The following TRAPPC9 variants were observed in gnomAD, a reference collection of about 807,000 sequenced individuals.
The protein encoded by TRAPPC9 is trafficking protein particle complex subunit 9.
A neutral mutation model predicts 124.0 loss-of-function variants in TRAPPC9; 83 were observed. The ratio of observed to expected loss-of-function variants is 0.67; its 90% confidence interval spans 0.56 to 0.80. TRAPPC9 has a LOEUF of 0.80. TRAPPC9 is among the 30% of genes least tolerant of loss of function. The pLI, the probability that TRAPPC9 is intolerant of heterozygous loss-of-function variation, is 0.00. For missense variants in TRAPPC9, 1,302 were observed against 1,508.3 expected, an observed-to-expected ratio of 0.86 and a Z score of 2.27; for synonymous variants, 638 against 617.5, an observed-to-expected ratio of 1.03 and a Z score of -0.49.
intron 18 of TRAPPC9, among the ~76,000 whole-genome samples, chr8:140,005,585 T>C (rs1381373): frequency 0.64 from 97,088 of 151,210 alleles, 31,692 homozygotes; most frequent in African/African-American, 0.78. Context: ...GCACGGCTTA[T>C]TGGGGGAAAC....
intron 17 of TRAPPC9, among the ~76,000 whole-genome samples, chr8:140,159,187 T>C (rs2061704238): frequency 6.6e-6 from 1 of 152,210 alleles, no homozygotes. Flanking sequence ...TTTCTTTTGT[T>C]CTTAATACCT....
At chr8:140,102,899 C>G (rs7828356) in intron 17 of TRAPPC9, among the ~76,000 whole-genome samples, 106,021 of 152,160 alleles carry the variant, frequency 0.7, 37,426 homozygotes, top group East Asian at 0.87. Flanking sequence ...CTCAACCCCC[C>G]ACATGCCTGT....
chr8:140,107,230 G>C (rs953285590), intron 17 of TRAPPC9, among the ~76,000 whole-genome samples: 2 of 152,166 alleles, frequency 1.3e-5, no homozygotes. Flanking sequence ...CCCCTCCTCT[G>C]AAGTCTCAGA....
rs541813453 is a variant in TRAPPC9, at chr8:140,307,393, T to A, written c.1622+3855A>T. ...GTGCCATAAATTATTTTTGCCTAAG[T>A]TAGCCTGGTTTCTATCAGCTGCTAT... On this transcript the variant is annotated intron_variant, in intron 10 of 22. Transcript: ENST00000438773. 3.3e-5 allele frequency among the ~76,000 whole-genome samples: 5 copies of A among 152,314 alleles called. No individual in the cohort carries two copies. The Middle Eastern group carries it at 0.01, about 311-fold the overall frequency.
At chr8:140,192,435 G>A (rs1416050378) in intron 17 of TRAPPC9, among the ~76,000 whole-genome samples, 3 of 152,196 alleles carry the variant, frequency 2.0e-5, no homozygotes, top group South Asian at 4.1e-4. Context: ...AGGCCCAATC[G>A]TCCACAGAGC....
At chr8:139,754,157 T>C (rs1015636464) in intron 21 of TRAPPC9, among the ~76,000 whole-genome samples, 1 of 152,220 alleles carries the variant, frequency 6.6e-6, no homozygotes, top group Admixed American at 6.5e-5. Context: ...CCCAGCCTGC[T>C]GCTGCTCCAT....
chr8:139,772,089 G>A (rs1485357627), intron 21 of TRAPPC9, among the ~76,000 whole-genome samples: 3 of 152,228 alleles, frequency 2.0e-5, no homozygotes, highest in South Asian at 2.1e-4. Flanking sequence ...TATCTAGCCC[G>A]CCAACCTCTG....
chr8:140,036,759 C>T (rs568317707), intron 17 of TRAPPC9, among the ~76,000 whole-genome samples: 1 of 152,174 alleles, frequency 6.6e-6, no homozygotes, highest in Non-Finnish European at 1.5e-5. Flanking sequence ...GCGGAGCGAC[C>T]CTCACCTGAT....
At chr8:139,889,906 G>A (rs988629719) in intron 20 of TRAPPC9, among the ~76,000 whole-genome samples, 9 of 152,180 alleles carry the variant, frequency 5.9e-5, no homozygotes, top group Non-Finnish European at 1.2e-4. Flanking sequence ...TTCATTTTGC[G>A]TCAGTGGCCA....
In TRAPPC9 at chr8:139,728,527, C is replaced by T. The variant is rs1268828451; in HGVS notation, c.*2534G>A. 3.9e-5 allele frequency among the ~76,000 whole-genome samples: 6 copies of T among 152,204 alleles called. No homozygotes were observed. Among genetic ancestry groups the T allele is most frequent in the Non-Finnish European group, 8.8e-5 (6 of 68,036 alleles). The stretch of plus-strand genomic sequence containing the variant: ...CCTGCCCCAGGTCCTCCATCTCAGC[C>T]ACTGCCCACAAACACAGCTCCACAG... On this transcript the variant is annotated 3_prime_UTR_variant, in exon 23 of 23. Transcript: ENST00000438773.
At chr8:139,962,970 A>G (rs1237659801) in intron 19 of TRAPPC9, among the ~76,000 whole-genome samples, 1 of 152,222 alleles carries the variant, frequency 6.6e-6, no homozygotes, top group Admixed American at 6.5e-5. Flanking sequence ...TTACTCCTCC[A>G]TGTTCAGACC....
chr8:139,947,907 T>TATATAGAGAGAG, intron 19 of TRAPPC9, among the ~76,000 whole-genome samples: 12 of 60,362 alleles, frequency 2.0e-4, no homozygotes, highest in Non-Finnish European at 3.3e-4. Flanking sequence ...TATATATATA[T>TATATAGAGAGAG]AGAGAGAGAG....
intron 7 of TRAPPC9, among the ~76,000 whole-genome samples, chr8:140,381,477 C>A (rs928482745): frequency 6.6e-6 from 1 of 151,746 alleles, no homozygotes; most frequent in Non-Finnish European, 1.5e-5. Context: ...TCCATCTTGG[C>A]CAACATGGTG....
chr8:140,073,939 G>A (rs1232980705), intron 17 of TRAPPC9, among the ~76,000 whole-genome samples: 1 of 152,128 alleles, frequency 6.6e-6, no homozygotes, highest in Non-Finnish European at 1.5e-5. Flanking sequence ...GTTCACACCT[G>A]TGACCTCATT....
intron 17 of TRAPPC9, among the ~76,000 whole-genome samples, chr8:140,105,815 G>C (rs114221732): frequency 8.3e-4 from 127 of 152,254 alleles, no homozygotes; most frequent in African/African-American, 2.6e-3. Context: ...ACTGCATGCA[G>C]TCTGAATCTC....
At chr8:139,990,244 C>T (rs1003909053) in intron 18 of TRAPPC9, among the ~76,000 whole-genome samples, 2 of 152,104 alleles carry the variant, frequency 1.3e-5, no homozygotes, top group Non-Finnish European at 2.9e-5. Flanking sequence ...GTCCGTGGAG[C>T]CCCCTGCACT....
chr8:139,953,201 G>A (rs990178331), intron 19 of TRAPPC9, among the ~76,000 whole-genome samples: 1 of 152,232 alleles, frequency 6.6e-6, no homozygotes, highest in African/African-American at 2.4e-5. Flanking sequence ...TATAAAACTT[G>A]TAAAAGTAGG....
chr8:139,840,870 T>C (rs1826681987), intron 21 of TRAPPC9, among the ~76,000 whole-genome samples: 1 of 152,200 alleles, frequency 6.6e-6, no homozygotes, highest in Non-Finnish European at 1.5e-5. Context: ...CTACTTTCTA[T>C]GGCTGCCTCA....
chr8:140,137,785 G>T (rs981031097), intron 17 of TRAPPC9, among the ~76,000 whole-genome samples: 1 of 152,224 alleles, frequency 6.6e-6, no homozygotes, highest in Admixed American at 6.5e-5. Flanking sequence ...GGGATATCAT[G>T]AATTTTGTCC....
Sources: allele counts gnomAD v4.1 joint callset (sites outside exome capture counted in the v4.1 genomes callset), GRCh38; gene constraint gnomAD v4.1.1; transcripts MANE v1.5; gene names NCBI Gene and HGNC (gene_info 2026-07-23, HGNC 2026-07-21).